Variants in NEK4 observed in about 807,000 individuals in gnomAD.
NEK4 encodes NIMA related kinase 4.
NEK4 carries 86 observed loss-of-function variants against 98.4 expected under a neutral mutation model. The ratio of observed to expected loss-of-function variants is 0.87; its 90% CI spans 0.73 to 1.05. NEK4 has a LOEUF of 1.05. NEK4 is among the 50% of genes least tolerant of loss of function. The pLI is 0.00. For missense variants in NEK4, 898 were observed against 950.3 expected, an observed-to-expected ratio of 0.94 and a Z score of 0.72; for synonymous variants, 328 against 342.2, an observed-to-expected ratio of 0.96 and a Z score of 0.46.
At position 52,768,416 on chromosome 3, in the gene NEK4, C is replaced by T; in HGVS notation, c.282G>A (p.Lys94=). The T allele has an allele frequency of 6.2e-7, 1 of 1,614,142 alleles. No homozygotes were observed. The highest frequency in any genetic ancestry group is 2.2e-5 in the East Asian group (1 of 44,886). The change falls in exon 2 of 16, where the codon AAG becomes AAA. Residue 94 remains lysine, a synonymous_variant. Transcript: ENST00000233027. ...GFCEGGDLYR[K]LKEQKGQLLP... Reference sequence around the variant, plus strand: ...GAAGCTGCCCTTTCTGCTCCTTGAGCTTTCGGTACAAATCACCTCCTTCAC... The same window carrying T: ...GAAGCTGCCCTTTCTGCTCCTTGAGTTTTCGGTACAAATCACCTCCTTCAC...
At chr3:52,765,821 G>T in intron 4 of NEK4, 66 bp downstream of exon 4, 2 of 912,604 alleles carry the variant, frequency 2.2e-6, no homozygotes, top group Non-Finnish European at 3.6e-6. Context: ...CAATGATTTT[G>T]CTAGTAGCTA....
chr3:52,755,294 G>A (rs112980918), intron 6 of NEK4, among the ~76,000 whole-genome samples: 1 of 152,194 alleles, frequency 6.6e-6, no homozygotes, highest in African/African-American at 2.4e-5. Flanking sequence ...TGGGTACCAA[G>A]TTTCTGTTTG....
intron 15 of NEK4, among the ~76,000 whole-genome samples, chr3:52,721,504 A>G (rs1192227733): frequency 6.6e-6 from 1 of 151,966 alleles, no homozygotes; most frequent in East Asian, 1.9e-4. Context: ...AAGGCAGGAG[A>G]ATTGCTTGAG....
At chr3:52,739,343 G>A in intron 14 of NEK4, 86 bp downstream of exon 14, 2 of 1,143,956 alleles carry the variant, frequency 1.7e-6, no homozygotes, top group Non-Finnish European at 2.6e-6. Context: ...AGGTTGCAGT[G>A]AGCCAAGATC....
At position 52,766,360 on chromosome 3, in the gene NEK4, G is replaced by C. The variant is rs761364427; in HGVS notation, c.376C>G (p.His126Asp). The stretch of plus-strand genomic sequence containing the variant: ...GTTTTCAGATCTCGATGAAGGATGT[G>C]TTTTTCATGTAAATACTGAGGAAAG... The part of the protein sequence containing the change: ...AMALQYLHEK[H>D]ILHRDLKTQN... The change falls in exon 3 of 16, where the codon CAC (histidine) becomes GAC (aspartate). Residue 126 changes from histidine to aspartate, a missense_variant. His to Asp is a moderately conservative substitution (Grantham distance 81). Transcript: ENST00000233027. The C allele has an allele frequency of 6.8e-6, 11 of 1,611,754 alleles. No individual in the cohort carries two copies. Among genetic ancestry groups the C allele is most frequent in the Non-Finnish European group, 9.3e-6 (11 of 1,177,932 alleles).
chr3:52,759,258 G>C (rs1476654946), intron 6 of NEK4, among the ~76,000 whole-genome samples: 1 of 151,944 alleles, frequency 6.6e-6, no homozygotes, highest in African/African-American at 2.4e-5. Flanking sequence ...AAAAAAATTA[G>C]CCAGGCATGG....
At chr3:52,729,887 G>C (rs1475299103) in intron 15 of NEK4, among the ~76,000 whole-genome samples, 1 of 151,966 alleles carries the variant, frequency 6.6e-6, no homozygotes, top group East Asian at 1.9e-4. Flanking sequence ...GAGGTAGGTG[G>C]ATCACGAGGT....
chr3:52,751,717 G>A (rs2097405366), intron 7 of NEK4, among the ~76,000 whole-genome samples: 2 of 152,178 alleles, frequency 1.3e-5, no homozygotes, highest in Admixed American at 6.5e-5. Context: ...AATCCATAGA[G>A]ACAAATGTTG....
chr3:52,726,570 G>A (rs990396712), intron 15 of NEK4, among the ~76,000 whole-genome samples: 2 of 142,802 alleles, frequency 1.4e-5, no homozygotes, highest in African/African-American at 2.6e-5. Flanking sequence ...CTGCACTCCA[G>A]CCTGGGCAAC....
At chr3:52,716,729 T>C (rs942311994) in intron 15 of NEK4, among the ~76,000 whole-genome samples, 4 of 152,198 alleles carry the variant, frequency 2.6e-5, no homozygotes, top group Admixed American at 6.5e-5. Flanking sequence ...ATAAACCCAA[T>C]TGAGATCTTT....
chr3:52,762,807 G>C (rs1307778799), intron 5 of NEK4, among the ~76,000 whole-genome samples: 3 of 152,092 alleles, frequency 2.0e-5, no homozygotes, highest in Non-Finnish European at 4.4e-5. Flanking sequence ...CTTGAACCCG[G>C]GAGGCGGAGG....
At chr3:52,748,188 C>T (rs1353586778) in intron 8 of NEK4, among the ~76,000 whole-genome samples, 7 of 150,914 alleles carry the variant, frequency 4.6e-5, no homozygotes, top group African/African-American at 1.2e-4. Context: ...AGGATGGTCT[C>T]GATCTCCTGA....
intron 15 of NEK4, among the ~76,000 whole-genome samples, chr3:52,726,968 C>T (rs1428885924): frequency 8.0e-6 from 1 of 124,396 alleles, no homozygotes; most frequent in Non-Finnish European, 1.6e-5. Flanking sequence ...GCATCTAAAA[C>T]TTTTTTTTTT....
At position 52,730,433 on chromosome 3, in the gene NEK4, T is replaced by C. The variant is rs147762165; in HGVS notation, c.2433+7153A>G. On this transcript the variant is annotated intron_variant, in intron 15 of 15. Transcript: ENST00000233027. ...GGAAGGGGTAATTCCTGGTTCATTT[T>C]ATGAGGCTGACGACAATGCCCTGGT... Among the ~76,000 whole-genome samples, 561 of 152,328 alleles carry C rather than the reference T, an allele frequency of 3.7e-3. 6 individuals are homozygous for C. The highest frequency in any genetic ancestry group is 0.012 in the African/African-American group (510 of 41,572).
chr3:52,740,950 C>A (rs1296795807), intron 13 of NEK4, among the ~76,000 whole-genome samples: 1 of 150,990 alleles, frequency 6.6e-6, no homozygotes, highest in East Asian at 2.0e-4. Flanking sequence ...GAAATAATGG[C>A]CAGGCGGGGC....
Position 52,760,864 on chromosome 3 carries a change from C to T in NEK4, c.894G>A (p.Glu298=), listed in dbSNP as rs746455096. The T allele has an allele frequency of 6.2e-7, 1 of 1,609,052 alleles. No homozygotes were observed. Among genetic ancestry groups the T allele is most frequent in the Non-Finnish European group, 8.5e-7 (1 of 1,175,688 alleles). The change falls in exon 6 of 16, where the codon GAG becomes GAA. Residue 298 remains glutamate, a synonymous_variant. Transcript: ENST00000233027. ...GGATTACTTCATGATTTGATTCTGC[C>T]TCTCCAGAAACCACTGTAGCAAAAG... is the stretch of plus-strand genomic sequence containing the variant. ...SKPFATVVSG[E]AESNHEVIHP...
chr3:52,742,070 G>A (rs1363403615), intron 12 of NEK4, among the ~76,000 whole-genome samples: 1 of 152,046 alleles, frequency 6.6e-6, no homozygotes, highest in Non-Finnish European at 1.5e-5. Context: ...GAGCTACCGC[G>A]CCTGCCCAAG....
chr3:52,744,894 C>T (rs1446403900), intron 10 of NEK4, among the ~76,000 whole-genome samples: 3 of 151,952 alleles, frequency 2.0e-5, no homozygotes, highest in Middle Eastern at 3.4e-3. Flanking sequence ...GGGACTTTCA[C>T]ATTTGCCATA....
chr3:52,764,831 A>G (rs1009002399), intron 4 of NEK4, among the ~76,000 whole-genome samples: 1 of 151,714 alleles, frequency 6.6e-6, no homozygotes, highest in African/African-American at 2.4e-5. Flanking sequence ...TAAAGACAGG[A>G]AAAAACCAGA....
Sources: gnomAD v4.1 joint callset for allele counts (sites outside exome capture counted in the v4.1 genomes callset) on GRCh38, gnomAD v4.1.1 for gene constraint, MANE v1.5 for transcripts, NCBI Gene and HGNC (gene_info 2026-07-23, HGNC 2026-07-21) for gene names.